Variants in RGS6 observed in about 807,000 individuals in gnomAD.
RGS6 encodes the protein regulator of G protein signaling 6.
A neutral mutation model predicts 78.5 loss-of-function variants in RGS6; 30 were observed. That is an observed-to-expected ratio of 0.38 (90% CI 0.29 to 0.52). The LOEUF is 0.52. Ranked by LOEUF, RGS6 falls within the 20% of genes least tolerant of loss-of-function variation. The pLI is 0.85. For missense variants in RGS6, 495 were observed against 609.7 expected, an observed-to-expected ratio of 0.81 and a Z score of 1.98; for synonymous variants, 206 against 206.0, an observed-to-expected ratio of 1.00 and a Z score of 0.00.
At chr14:72,101,441 T>C (rs966133894) in intron 2 of RGS6, among the ~76,000 whole-genome samples, 1 of 152,200 alleles carries the variant, frequency 6.6e-6, no homozygotes, top group Non-Finnish European at 1.5e-5. Flanking sequence ...TAGATAGTTG[T>C]AGAATAAATG....
chr14:72,230,095 A>G (rs181045178), intron 2 of RGS6, among the ~76,000 whole-genome samples: 1 of 152,378 alleles, frequency 6.6e-6, no homozygotes, highest in East Asian at 1.9e-4. Context: ...TGTCTGGCTT[A>G]GTAGAACCAG....
At chr14:71,965,084 A>C (rs2093433524) in intron 2 of RGS6, among the ~76,000 whole-genome samples, 1 of 152,250 alleles carries the variant, frequency 6.6e-6, no homozygotes, top group Non-Finnish European at 1.5e-5. Context: ...ATATTATGCC[A>C]TTTAGTTTTC....
At chr14:72,327,948 G>A (rs111811288) in intron 2 of RGS6, among the ~76,000 whole-genome samples, 2,308 of 152,202 alleles carry the variant, frequency 0.015, 63 homozygotes, top group African/African-American at 0.053. Flanking sequence ...TTTATTGTGG[G>A]AATTTGTTCA....
At position 72,352,205 on chromosome 14, in the gene RGS6, C is replaced by T. The variant is rs1295816950; in HGVS notation, c.184+11C>T. 2 of 1,597,594 alleles carry T rather than the reference C, an allele frequency of 1.3e-6. No homozygotes were observed. The highest frequency in any genetic ancestry group is 1.7e-5 in the Admixed American group (1 of 59,650). On this transcript the variant is annotated intron_variant, in intron 3 of 17. Coordinates refer to ENST00000553525, the MANE Select transcript of RGS6 (RefSeq NM_001204424.2). ...CCAGTGTCGTCACAGGTAACACCCT[C>T]CTTGCAAGGTGTTGGTAACAGTCAG...
intron 2 of RGS6, among the ~76,000 whole-genome samples, chr14:72,209,378 A>G (rs1440949046): frequency 2.1e-5 from 3 of 142,404 alleles, no homozygotes; most frequent in Non-Finnish European, 4.6e-5. Context: ...TTATAAATTT[A>G]TAAATGTGTC....
At chr14:72,299,908 A>G (rs1012259795) in intron 2 of RGS6, among the ~76,000 whole-genome samples, 19 of 152,168 alleles carry the variant, frequency 1.2e-4, no homozygotes, top group African/African-American at 4.6e-4. Context: ...GAGTCTAAAT[A>G]GGAGTTTATA....
At chr14:72,153,289 C>T (rs1352905870) in intron 2 of RGS6, among the ~76,000 whole-genome samples, 1 of 152,184 alleles carries the variant, frequency 6.6e-6, no homozygotes, top group Non-Finnish European at 1.5e-5. Context: ...AGCCTGACAG[C>T]CTCGCATTAT....
Position 72,116,668 on chromosome 14 carries a change from A to G in RGS6, c.84+151793A>G, listed in dbSNP as rs11844402. Among the ~76,000 whole-genome samples the G allele has an allele frequency of 4.5e-3, 679 of 152,198 alleles. 3 individuals are homozygous for G. The highest frequency in any genetic ancestry group is 0.015 in the African/African-American group (618 of 41,514). On this transcript the variant is annotated intron_variant, in intron 2 of 17. Coordinates refer to ENST00000553525, the MANE Select transcript of RGS6 (RefSeq NM_001204424.2). ...CTTTCAGATGCTAATAGGTGCTCTT[A>G]AGAATATAAAGTAGGCTGGGTGCAG...
At chr14:72,477,497 A>G (rs1315765274) in intron 11 of RGS6, among the ~76,000 whole-genome samples, 1 of 151,928 alleles carries the variant, frequency 6.6e-6, no homozygotes, top group South Asian at 2.1e-4. Context: ...TGAAAAAAAA[A>G]AGCTATTTGG....
chr14:72,262,996 C>G (rs2058432843), intron 2 of RGS6, among the ~76,000 whole-genome samples: 2 of 152,104 alleles, frequency 1.3e-5, no homozygotes, highest in African/African-American at 4.8e-5. Context: ...TGGAGAGAAA[C>G]TGTCTCCCAA....
At chr14:72,064,512 G>A (rs142691551) in intron 2 of RGS6, among the ~76,000 whole-genome samples, 1 of 152,278 alleles carries the variant, frequency 6.6e-6, no homozygotes, top group East Asian at 1.9e-4. Context: ...ATATTCTTGG[G>A]TAAGTCATTA....
At chr14:72,040,494 A>G (rs1370898211) in intron 2 of RGS6, among the ~76,000 whole-genome samples, 1 of 151,980 alleles carries the variant, frequency 6.6e-6, no homozygotes, top group East Asian at 1.9e-4. Flanking sequence ...CCTATGGAAG[A>G]TTTCATGTAC....
At chr14:72,060,370 C>CGT (rs2093831354) in intron 2 of RGS6, among the ~76,000 whole-genome samples, 1 of 70,958 alleles carries the variant, frequency 1.4e-5, no homozygotes, top group Non-Finnish European at 3.1e-5. Context: ...ACCCCTCCCA[C>CGT]CTTTTTTTTT....
chr14:71,942,121 G>C (rs1008985246), intron 1 of RGS6, among the ~76,000 whole-genome samples: 1 of 152,112 alleles, frequency 6.6e-6, no homozygotes, highest in African/African-American at 2.4e-5. Context: ...GAAACATTAA[G>C]CCTGTAATAA....
chr14:72,621,253 C>G, the RGS6 span, among the ~76,000 whole-genome samples: 1 of 152,044 alleles, frequency 6.6e-6, no homozygotes, highest in Non-Finnish European at 1.5e-5. Context: ...CCCTTGGGGG[C>G]AAAATCTTGT....
chr14:72,146,426 A>G (rs2096608119), intron 2 of RGS6, among the ~76,000 whole-genome samples: 1 of 152,210 alleles, frequency 6.6e-6, no homozygotes, highest in African/African-American at 2.4e-5. Flanking sequence ...TCATTCCAAC[A>G]TCAGCTTAAA....
the RGS6 span, among the ~76,000 whole-genome samples, chr14:72,612,925 G>C: frequency 6.6e-6 from 1 of 152,054 alleles, no homozygotes; most frequent in African/African-American, 2.4e-5. Flanking sequence ...CACCTTGCCT[G>C]GCAGCCCCTG....
chr14:72,599,751 A>G, the RGS6 span, among the ~76,000 whole-genome samples: 2 of 151,916 alleles, frequency 1.3e-5, no homozygotes, highest in Middle Eastern at 3.2e-3. Flanking sequence ...AACCAGTCAC[A>G]GCCCCTGATG....
chr14:71,898,679 C>A, the RGS6 span, among the ~76,000 whole-genome samples: 17 of 152,216 alleles, frequency 1.1e-4, no homozygotes, highest in South Asian at 4.1e-4. Flanking sequence ...CTCCCACCCC[C>A]CCGACAGGCC....
Sources: allele counts gnomAD v4.1 joint callset (sites outside exome capture counted in the v4.1 genomes callset), GRCh38; gene constraint gnomAD v4.1.1; transcripts MANE v1.5; gene names NCBI Gene and HGNC (gene_info 2026-07-23, HGNC 2026-07-21).